Variants in FGGY observed in about 807,000 individuals in gnomAD.
FGGY encodes the protein FGGY carbohydrate kinase domain containing.
FGGY carries 72 observed loss-of-function variants against 71.3 expected under a neutral mutation model. The ratio of observed to expected loss-of-function variants is 1.01; its 90% CI spans 0.84 to 1.23. The LOEUF (loss-of-function observed/expected upper bound fraction) is 1.23, where lower values mean the gene tolerates loss of function less well. FGGY is among the 50% of genes most tolerant of loss of function. The pLI is 0.00. For synonymous variants in FGGY, 251 were observed against 250.3 expected (o/e 1.00, Z -0.02); for missense variants, 668 against 682.3 (o/e 0.98, Z 0.23).
At chr1:59,624,972 G>T (rs2096842912) in intron 9 of FGGY, among the ~76,000 whole-genome samples, 1 of 152,164 alleles carries the variant, frequency 6.6e-6, no homozygotes, top group South Asian at 2.1e-4. Context: ...CACTCAGCTA[G>T]TGAGACTCAG....
intron 8 of FGGY, among the ~76,000 whole-genome samples, chr1:59,578,304 C>T (rs764011644): frequency 3.3e-5 from 5 of 151,992 alleles, no homozygotes; most frequent in South Asian, 4.2e-4. Context: ...GACCACTGGA[C>T]GGAGAGATAG....
chr1:59,404,617 C>T (rs1432443930), intron 5 of FGGY, among the ~76,000 whole-genome samples: 1 of 152,100 alleles, frequency 6.6e-6, no homozygotes, highest in Non-Finnish European at 1.5e-5. Context: ...TGGATTGCAG[C>T]AGGGGGCTGA....
chr1:59,419,012 G>A (rs765696389), intron 5 of FGGY, among the ~76,000 whole-genome samples: 12 of 152,154 alleles, frequency 7.9e-5, no homozygotes, highest in South Asian at 2.1e-4. Flanking sequence ...ATGGTAAGAC[G>A]TTTGGTATGG....
chr1:59,589,607 C>T (rs955386123), intron 8 of FGGY, among the ~76,000 whole-genome samples: 1 of 152,166 alleles, frequency 6.6e-6, no homozygotes, highest in Admixed American at 6.5e-5. Flanking sequence ...ACAGTGCAAT[C>T]AAAGTAGAAC....
At chr1:59,348,477 C>T (rs561836274) in intron 4 of FGGY, among the ~76,000 whole-genome samples, 1 of 152,038 alleles carries the variant, frequency 6.6e-6, no homozygotes, top group South Asian at 2.1e-4. Flanking sequence ...TAATGGTTCC[C>T]ATTAGAGATG....
intron 5 of FGGY, among the ~76,000 whole-genome samples, chr1:59,404,559 C>T (rs2062457696): frequency 6.6e-6 from 1 of 152,130 alleles, no homozygotes; most frequent in Non-Finnish European, 1.5e-5. Flanking sequence ...ACAGCCCAAT[C>T]AGAATGATGC....
intron 5 of FGGY, among the ~76,000 whole-genome samples, chr1:59,399,073 G>A (rs574203190): frequency 3.3e-5 from 5 of 152,014 alleles, no homozygotes; most frequent in Non-Finnish European, 7.4e-5. Flanking sequence ...TTTACAATTG[G>A]GCCTCTTTGT....
At chr1:59,675,799 T>C (rs779695044) in intron 14 of FGGY, among the ~76,000 whole-genome samples, 33 of 152,168 alleles carry the variant, frequency 2.2e-4, no homozygotes, top group Non-Finnish European at 1.3e-4. Flanking sequence ...TACCCTGTGT[T>C]GTGAACTGAA....
intron 4 of FGGY, among the ~76,000 whole-genome samples, chr1:59,349,183 G>A (rs77402898): frequency 0.024 from 3,711 of 152,176 alleles, 175 homozygotes; most frequent in African/African-American, 0.085. Flanking sequence ...TGTCTGCTGG[G>A]CTCCAAATCT....
chr1:59,668,794 C>G (rs1022709274), intron 13 of FGGY, among the ~76,000 whole-genome samples: 9 of 151,656 alleles, frequency 5.9e-5, no homozygotes, highest in African/African-American at 2.2e-4. Context: ...ACCAGCCTGA[C>G]CAATATGGAG....
intron 7 of FGGY, among the ~76,000 whole-genome samples, chr1:59,513,542 G>A (rs2094567026): frequency 6.6e-6 from 1 of 152,108 alleles, no homozygotes; most frequent in African/African-American, 2.4e-5. Flanking sequence ...GAAACACTCA[G>A]GTGTATTTAG....
At chr1:59,712,454 C>T (rs2097802204) in intron 14 of FGGY, among the ~76,000 whole-genome samples, 1 of 152,212 alleles carries the variant, frequency 6.6e-6, no homozygotes, top group African/African-American at 2.4e-5. Flanking sequence ...AGTAGAGACT[C>T]TGTGTTAAGG....
At chr1:59,399,956 C>T (rs1172739684) in intron 5 of FGGY, among the ~76,000 whole-genome samples, 1 of 152,142 alleles carries the variant, frequency 6.6e-6, no homozygotes, top group Non-Finnish European at 1.5e-5. Flanking sequence ...CATGAAAATG[C>T]CTTGGCCTCA....
intron 7 of FGGY, among the ~76,000 whole-genome samples, chr1:59,544,774 T>TAC (rs1447905150): frequency 6.6e-6 from 1 of 152,230 alleles, no homozygotes; most frequent in African/African-American, 2.4e-5. Flanking sequence ...GAATCAAATA[T>TAC]ACATCTGTCA....
At chr1:59,749,704 A>T (rs1013248621) in intron 14 of FGGY, among the ~76,000 whole-genome samples, 2 of 152,226 alleles carry the variant, frequency 1.3e-5, no homozygotes, top group Non-Finnish European at 2.9e-5. Context: ...TCTAAAGTTT[A>T]TGTAGCATTT....
intron 3 of FGGY, among the ~76,000 whole-genome samples, chr1:59,343,446 C>G (rs897230236): frequency 6.6e-6 from 1 of 152,198 alleles, no homozygotes; most frequent in Non-Finnish European, 1.5e-5. Context: ...TAAACACTTT[C>G]CTGCCTTTTG....
chr1:59,667,060 T>A (rs193288555), intron 12 of FGGY, among the ~76,000 whole-genome samples: 1 of 152,312 alleles, frequency 6.6e-6, no homozygotes, highest in South Asian at 2.1e-4. Flanking sequence ...AATGGTGTAA[T>A]TAAGAGGGTT....
chr1:59,402,059 G>T (rs1344580337), intron 5 of FGGY, among the ~76,000 whole-genome samples: 1 of 152,362 alleles, frequency 6.6e-6, no homozygotes, highest in East Asian at 1.9e-4. Context: ...GACTGCAGAG[G>T]TAAATTGTGT....
intron 4 of FGGY, among the ~76,000 whole-genome samples, chr1:59,370,423 C>A (rs1571144800): frequency 6.6e-6 from 1 of 152,194 alleles, no homozygotes; most frequent in Admixed American, 6.5e-5. Context: ...ACCAAATCTA[C>A]GTCTGATTGG....
Sources: allele counts gnomAD v4.1 joint callset (sites outside exome capture counted in the v4.1 genomes callset), GRCh38; gene constraint gnomAD v4.1.1; transcripts MANE v1.5; gene names NCBI Gene and HGNC (gene_info 2026-07-23, HGNC 2026-07-21).